Variants in PIP5K1B observed in about 807,000 individuals in gnomAD.
The protein encoded by PIP5K1B is phosphatidylinositol 4-phosphate 5-kinase type-1 beta.
A neutral mutation model predicts 67.0 loss-of-function variants in PIP5K1B; 42 were observed. The observed-to-expected ratio is 0.63, with a 90% CI of 0.49 to 0.81. The LOEUF (loss-of-function observed/expected upper bound fraction) is 0.81. PIP5K1B is among the 30% of genes least tolerant of loss of function. The pLI is 0.00. For synonymous variants in PIP5K1B, 214 were observed against 231.4 expected, an observed-to-expected ratio of 0.92 and a Z score of 0.68; for missense variants, 459 against 646.3, an observed-to-expected ratio of 0.71 and a Z score of 3.14.
At chr9:68,772,555 C>T (rs1830718193) in intron 2 of PIP5K1B, among the ~76,000 whole-genome samples, 1 of 152,124 alleles carries the variant, frequency 6.6e-6, no homozygotes, top group Admixed American at 6.5e-5. Flanking sequence ...ATTCACTGAT[C>T]CAGCTGCATT....
At chr9:68,905,365 G>A (rs1825558784) in intron 8 of PIP5K1B, among the ~76,000 whole-genome samples, 1 of 152,162 alleles carries the variant, frequency 6.6e-6, no homozygotes, top group Non-Finnish European at 1.5e-5. Context: ...TCTGGTTGTG[G>A]ATTCTGACGT....
chr9:68,889,460 C>T (rs1442764231), intron 7 of PIP5K1B, among the ~76,000 whole-genome samples: 2 of 152,072 alleles, frequency 1.3e-5, no homozygotes, highest in African/African-American at 2.4e-5. Context: ...CGTGGCCAGG[C>T]GTGGTGGCTC....
chr9:68,860,421 C>T (rs988450857), intron 4 of PIP5K1B, among the ~76,000 whole-genome samples: 19 of 152,092 alleles, frequency 1.2e-4, no homozygotes, highest in South Asian at 4.1e-4. Context: ...GTGACATTAA[C>T]GATGGTGTTT....
chr9:68,851,685 G>C (rs528291038), intron 4 of PIP5K1B, among the ~76,000 whole-genome samples: 1 of 152,346 alleles, frequency 6.6e-6, no homozygotes, highest in East Asian at 1.9e-4. Flanking sequence ...AAAGCCCAGA[G>C]ATCAGTGGAT....
rs541058956 is a variant in PIP5K1B at position 68,731,085 on chromosome 9, C to T, written c.-242-11416C>T. On this transcript the variant is annotated intron_variant, in intron 1 of 15. Transcript: ENST00000265382. ...TACCTTTAGCACATGCCTGTGGATCCCTTTCAATATGTGTGATAATTTTGG... is the reference window on the plus strand; with the variant it reads ...TACCTTTAGCACATGCCTGTGGATCTCTTTCAATATGTGTGATAATTTTGG... Among the ~76,000 whole-genome samples the T allele has an allele frequency of 3.3e-5, 5 of 152,258 alleles. No homozygotes were observed. The East Asian group carries it at 7.7e-4, about 24-fold the overall frequency.
chr9:68,930,456 C>T (rs1410717365), intron 12 of PIP5K1B, among the ~76,000 whole-genome samples: 2 of 152,146 alleles, frequency 1.3e-5, no homozygotes, highest in African/African-American at 2.4e-5. Flanking sequence ...CCCTTGACCC[C>T]TTCCTTCTGC....
At chr9:68,789,412 A>G (rs1299703870) in intron 2 of PIP5K1B, 2 of 454,506 alleles carry the variant, frequency 4.4e-6, no homozygotes, top group African/African-American at 2.0e-5. Context: ...AAATGTGTCC[A>G]CTACTCAGTG....
chr9:68,751,497 G>A lies in PIP5K1B; in HGVS notation c.-86+8840G>A, dbSNP rs181007437. Among the ~76,000 whole-genome samples the A allele has an allele frequency of 3.9e-5, 6 of 152,326 alleles. No homozygotes were observed. The East Asian group carries it at 1.2e-3, about 29-fold the overall frequency. Reference sequence around the variant, plus strand: ...GTGTGCCAACTTTCACAAAGATTGAGATGAGAGAATAGAGGCAGGGAGTAA... The same window carrying A: ...GTGTGCCAACTTTCACAAAGATTGAAATGAGAGAATAGAGGCAGGGAGTAA... On this transcript the variant is annotated intron_variant, in intron 2 of 15. Transcript: ENST00000265382.
intron 4 of PIP5K1B, among the ~76,000 whole-genome samples, chr9:68,851,202 C>T (rs998870765): frequency 6.6e-6 from 1 of 152,160 alleles, no homozygotes; most frequent in South Asian, 2.1e-4. Context: ...TTTCTTTATT[C>T]TGCCTCTCCT....
At chr9:68,742,916 C>G (rs1046094638) in intron 2 of PIP5K1B, among the ~76,000 whole-genome samples, 3 of 152,122 alleles carry the variant, frequency 2.0e-5, no homozygotes, top group African/African-American at 7.2e-5. Flanking sequence ...ATAGAGTGGT[C>G]AACAATGATG....
intron 12 of PIP5K1B, among the ~76,000 whole-genome samples, chr9:68,933,225 A>G (rs552880290): frequency 9.9e-5 from 15 of 152,268 alleles, no homozygotes; most frequent in African/African-American, 3.4e-4. Context: ...CCACCTTGGC[A>G]CATGTATACC....
chr9:68,865,558 G>A (rs1317577717), intron 5 of PIP5K1B, among the ~76,000 whole-genome samples: 1 of 152,160 alleles, frequency 6.6e-6, no homozygotes, highest in African/African-American at 2.4e-5. Flanking sequence ...GGTGCTGAGA[G>A]CATTACAGCT....
chr9:68,819,700 G>A (rs1055482613), intron 3 of PIP5K1B, among the ~76,000 whole-genome samples: 1 of 152,200 alleles, frequency 6.6e-6, no homozygotes, highest in South Asian at 2.1e-4. Context: ...TGTGACCATT[G>A]TAATGGCCCT....
chr9:68,781,562 T>G, intron 2 of PIP5K1B: 1 of 167,178 alleles, frequency 6.0e-6, no homozygotes. Context: ...ATATTTAGTT[T>G]TCTGGGTACT....
intron 4 of PIP5K1B, among the ~76,000 whole-genome samples, chr9:68,861,019 A>G (rs1296763880): frequency 3.3e-5 from 5 of 152,232 alleles, no homozygotes; most frequent in Admixed American, 1.3e-4. Context: ...TAAACACTAC[A>G]TTAGTATGTG....
intron 14 of PIP5K1B, among the ~76,000 whole-genome samples, chr9:68,957,363 T>C (rs1828456544): frequency 6.6e-6 from 1 of 152,142 alleles, no homozygotes; most frequent in Non-Finnish European, 1.5e-5. Context: ...TGACTCTAGC[T>C]GCAAAGGAGG....
At chr9:68,835,336 G>A (rs1461496862) in intron 4 of PIP5K1B, among the ~76,000 whole-genome samples, 2 of 152,240 alleles carry the variant, frequency 1.3e-5, no homozygotes, top group African/African-American at 2.4e-5. Context: ...AAGGGAGTGT[G>A]TGGCCAGGGC....
intron 1 of PIP5K1B, among the ~76,000 whole-genome samples, chr9:68,729,468 C>T (rs1374334964): frequency 6.6e-6 from 1 of 152,078 alleles, no homozygotes; most frequent in Non-Finnish European, 1.5e-5. Context: ...AATTTCTTAA[C>T]ATGTTCAACT....
chr9:68,807,815 G>A (rs1587482736), intron 2 of PIP5K1B, among the ~76,000 whole-genome samples: 1 of 152,300 alleles, frequency 6.6e-6, no homozygotes, highest in East Asian at 1.9e-4. Flanking sequence ...TGGACAAAAA[G>A]CATAAGCTGG....
Sources: allele counts gnomAD v4.1 joint callset (sites outside exome capture counted in the v4.1 genomes callset), GRCh38; gene constraint gnomAD v4.1.1; transcripts MANE v1.5; gene names NCBI Gene and HGNC (gene_info 2026-07-23, HGNC 2026-07-21).